PTGER3: variants seen among roughly 807,000 people sequenced by gnomAD.
The protein encoded by PTGER3 is prostaglandin E2 receptor EP3 subtype.
A neutral mutation model predicts 34.7 loss-of-function variants in PTGER3; 22 were observed. That is an observed-to-expected ratio of 0.63 (90% CI 0.45 to 0.91). The LOEUF (loss-of-function observed/expected upper bound fraction) is 0.91, where lower values mean the gene tolerates loss of function less well. Among genes scored for constraint, PTGER3 ranks in the 40% least tolerant of loss-of-function variants. The pLI is 0.00. For synonymous variants in PTGER3, 241 were observed against 230.1 expected (o/e 1.05, Z -0.43); for missense variants, 468 against 519.4 (o/e 0.90, Z 0.96).
intron 2 of PTGER3, chr1:71,010,999 A>T: frequency 2.0e-6 from 2 of 985,804 alleles, no homozygotes; most frequent in Non-Finnish European, 2.4e-6. Context: ...CACAATAAAA[A>T]GTTAATGGGT....
At chr1:70,863,727 C>G (rs1481071569) in intron 4 of PTGER3, among the ~76,000 whole-genome samples, 1 of 150,474 alleles carries the variant, frequency 6.6e-6, no homozygotes, top group Non-Finnish European at 1.5e-5. Flanking sequence ...TGGATAGGAA[C>G]AGAGAAGAAA....
intron 2 of PTGER3, among the ~76,000 whole-genome samples, chr1:70,990,386 C>CACACACAT (rs1206925417): frequency 6.1e-5 from 8 of 131,388 alleles, no homozygotes; most frequent in South Asian, 2.4e-4. Flanking sequence ...CACACACACA[C>CACACACAT]ATATATATAT....
At chr1:70,923,211 T>TG (rs1647720783) in intron 4 of PTGER3, among the ~76,000 whole-genome samples, 2 of 63,388 alleles carry the variant, frequency 3.2e-5, no homozygotes, top group African/African-American at 1.0e-4. Flanking sequence ...GGTGCTTGGT[T>TG]TTTTTTTTTG....
chr1:70,882,553 ATGGTGACAGTGCTGGTC>A (rs1196517294), intron 4 of PTGER3, among the ~76,000 whole-genome samples: 1 of 152,204 alleles, frequency 6.6e-6, no homozygotes, highest in Non-Finnish European at 1.5e-5. Flanking sequence ...TATTGGAGCT[ATGGTGACAGTGCTGGTC>A]TGCTTTGGGG....
intron 4 of PTGER3, among the ~76,000 whole-genome samples, chr1:70,856,297 G>C (rs548450294): frequency 6.6e-6 from 1 of 152,174 alleles, no homozygotes; most frequent in South Asian, 2.1e-4. Flanking sequence ...AAAATTAGCT[G>C]GGTGTGGTGG....
intron 4 of PTGER3, among the ~76,000 whole-genome samples, chr1:70,853,048 G>C (rs931660565): frequency 2.0e-5 from 3 of 152,058 alleles, no homozygotes; most frequent in Non-Finnish European, 4.4e-5. Flanking sequence ...AAAATGAATA[G>C]GGACAACCTA....
At chr1:70,917,259 T>C (rs941946873) in intron 4 of PTGER3, among the ~76,000 whole-genome samples, 5 of 151,854 alleles carry the variant, frequency 3.3e-5, no homozygotes, top group African/African-American at 1.2e-4. Flanking sequence ...AGTCAGCTTT[T>C]TTAGATTCCA....
chr1:71,012,954 A>G (rs549941276), intron 1 of PTGER3, among the ~76,000 whole-genome samples: 2 of 152,256 alleles, frequency 1.3e-5, no homozygotes, highest in South Asian at 2.1e-4. Flanking sequence ...TATTATTGCC[A>G]CTAGCATTTT....
At chr1:71,027,186 G>C (rs903714964) in intron 1 of PTGER3, among the ~76,000 whole-genome samples, 11 of 152,038 alleles carry the variant, frequency 7.2e-5, no homozygotes, top group Non-Finnish European at 1.5e-4. Flanking sequence ...TTTTTTAAGA[G>C]ACGGGGTTTC....
intron 2 of PTGER3, among the ~76,000 whole-genome samples, chr1:71,000,352 A>AT (rs2100810138): frequency 6.6e-6 from 1 of 152,202 alleles, no homozygotes; most frequent in East Asian, 1.9e-4. Context: ...TGACATGAGA[A>AT]TTTGATAACA....
At chr1:71,030,359 A>T (rs1204903686) in intron 1 of PTGER3, among the ~76,000 whole-genome samples, 2 of 152,226 alleles carry the variant, frequency 1.3e-5, no homozygotes, top group Non-Finnish European at 2.9e-5. Context: ...CAAGAATCCC[A>T]ATTGCACTGT....
At chr1:71,002,984 A>G (rs1222343795) in intron 2 of PTGER3, among the ~76,000 whole-genome samples, 2 of 152,212 alleles carry the variant, frequency 1.3e-5, no homozygotes, top group Non-Finnish European at 2.9e-5. Flanking sequence ...CTTTGGTATC[A>G]AAGAGCTGTT....
At chr1:70,935,494 T>C (rs1360841272) in intron 4 of PTGER3, among the ~76,000 whole-genome samples, 1 of 152,040 alleles carries the variant, frequency 6.6e-6, no homozygotes, top group Non-Finnish European at 1.5e-5. Context: ...TAAATTGCTC[T>C]GATTTTCAAT....
chr1:70,919,763 C>T (rs904127108), intron 4 of PTGER3, among the ~76,000 whole-genome samples: 2 of 152,086 alleles, frequency 1.3e-5, no homozygotes, highest in Non-Finnish European at 2.9e-5. Flanking sequence ...AATGGAATTA[C>T]TATTCTATAC....
chr1:70,852,712 G>T lies in PTGER3; in HGVS notation c.*171C>A, dbSNP rs551882293. On this transcript the variant is annotated 3_prime_UTR_variant, in exon 5 of 5. Transcript: ENST00000370931. ...GCTTCTGGATAACAGTTATATTTGG[G>T]GGTGGGCTTGGGGGAAGAAGTAAAA... is the stretch of plus-strand genomic sequence containing the variant. The T allele has an allele frequency of 2.3e-5, 25 of 1,110,578 alleles. No individual in the cohort carries two copies. The African/African-American group carries it at 3.3e-4, about 15-fold the overall frequency. 68.8% of individuals were successfully genotyped at this position (1,110,578 alleles called of 1,614,324 possible).
chr1:70,889,393 C>T (rs974476040), intron 4 of PTGER3, among the ~76,000 whole-genome samples: 7 of 127,362 alleles, frequency 5.5e-5, no homozygotes, highest in Non-Finnish European at 7.8e-5. Flanking sequence ...CCAGCCTGGG[C>T]GACAGAGCGA....
chr1:70,853,451 A>G (rs527786303), intron 4 of PTGER3, among the ~76,000 whole-genome samples: 1 of 152,314 alleles, frequency 6.6e-6, no homozygotes, highest in South Asian at 2.1e-4. Flanking sequence ...CGAGTGACCT[A>G]AAAAACAAAC....
chr1:70,999,386 G>A (rs1557727876), intron 2 of PTGER3, among the ~76,000 whole-genome samples: 1 of 152,120 alleles, frequency 6.6e-6, no homozygotes, highest in Admixed American at 6.5e-5. Context: ...AGAGAAAACT[G>A]GTGAATGAAT....
chr1:71,047,724 C>T lies in PTGER3; in HGVS notation c.-147G>A, dbSNP rs1660997436. 4.7e-6 allele frequency: 4 copies of T among 848,974 alleles called. No individual in the cohort carries two copies. Among genetic ancestry groups the T allele is most frequent in the Non-Finnish European group, 6.3e-6 (4 of 632,410 alleles). The allele number at this position is 848,974 out of a possible 1,614,324, so 52.6% of individuals were successfully genotyped here. Reference sequence around the variant, plus strand: ...TGCGGGGCGCAGCCGCCGCCCTACTCCGCTGCTGGGACCGCGGCCGCGGCG... The same window carrying T: ...TGCGGGGCGCAGCCGCCGCCCTACTTCGCTGCTGGGACCGCGGCCGCGGCG... On this transcript the variant is annotated 5_prime_UTR_variant, in exon 1 of 4. Transcript: ENST00000306666.
Sources: gnomAD v4.1 joint callset for allele counts (sites outside exome capture counted in the v4.1 genomes callset) on GRCh38, gnomAD v4.1.1 for gene constraint, MANE v1.5 for transcripts, NCBI Gene and HGNC (gene_info 2026-07-23, HGNC 2026-07-21) for gene names.